The following MED12L variants were observed in gnomAD, a reference collection of about 807,000 sequenced individuals.
The protein encoded by MED12L is mediator complex subunit 12L, also known as mediator of RNA polymerase II transcription subunit 12-like protein.
Under a neutral mutation model 281.3 loss-of-function variants are expected in MED12L, and 60 were observed. That is an observed-to-expected ratio of 0.21 (90% CI 0.17 to 0.26). The LOEUF is 0.26. Among genes scored for constraint, MED12L ranks in the 10% least tolerant of loss-of-function variants. The pLI, the probability that MED12L is intolerant of heterozygous loss-of-function variation, is 1.00. For missense variants in MED12L, 2,146 were observed against 2,680.9 expected (o/e 0.80, Z 4.41); for synonymous variants, 974 against 987.2 (o/e 0.99, Z 0.25).
chr3:151,103,740 G>A (rs779760569), intron 2 of MED12L, among the ~76,000 whole-genome samples: 1 of 152,112 alleles, frequency 6.6e-6, no homozygotes, highest in Non-Finnish European at 1.5e-5. Flanking sequence ...TCTACATTTC[G>A]CAGAAGAGAA....
intron 16 of MED12L, among the ~76,000 whole-genome samples, chr3:151,195,234 A>C (rs1285865936): frequency 6.6e-6 from 1 of 152,188 alleles, no homozygotes; most frequent in East Asian, 1.9e-4. Flanking sequence ...TATCAGCAAA[A>C]CAAAGTATTC....
At chr3:151,235,214 A>G (rs975874308) in intron 16 of MED12L, among the ~76,000 whole-genome samples, 7 of 152,220 alleles carry the variant, frequency 4.6e-5, no homozygotes, top group Admixed American at 1.3e-4. Flanking sequence ...TGCCTGGCAG[A>G]ACTCTGAGCA....
At chr3:151,390,282 G>GT (rs56194873) in intron 38 of MED12L, 147 bp downstream of exon 38, 2 of 743,926 alleles carry the variant, frequency 2.7e-6, no homozygotes, top group East Asian at 2.6e-5. Context: ...ACACAGAAAT[G>GT]TTTTTTGTTT....
intron 2 of MED12L, among the ~76,000 whole-genome samples, chr3:151,104,279 G>A (rs1721740773): frequency 6.6e-6 from 1 of 152,196 alleles, no homozygotes; most frequent in African/African-American, 2.4e-5. Context: ...GGGAAGTCCT[G>A]CCTTTCCTAA....
intron 2 of MED12L, among the ~76,000 whole-genome samples, chr3:151,097,129 T>A (rs1219808497): frequency 6.6e-6 from 1 of 152,206 alleles, no homozygotes; most frequent in Non-Finnish European, 1.5e-5. Context: ...GTGCTGGAGG[T>A]CATTTCTATC....
chr3:151,308,071 T>A (rs1746956505), intron 16 of MED12L, among the ~76,000 whole-genome samples: 1 of 152,146 alleles, frequency 6.6e-6, no homozygotes, highest in Non-Finnish European at 1.5e-5. Context: ...AAAACATATG[T>A]TAAGTCAATT....
intron 44 of MED12L, 148 bp from the exon 45 acceptor site, chr3:151,432,604 A>G (rs1243945550): frequency 1.4e-5 from 8 of 580,542 alleles, no homozygotes; most frequent in East Asian, 1.2e-4. Context: ...TCCCACCACA[A>G]GGGTTTTTCA....
At chr3:151,220,619 T>C (rs1296204192) in intron 16 of MED12L, among the ~76,000 whole-genome samples, 2 of 152,212 alleles carry the variant, frequency 1.3e-5, no homozygotes, top group Non-Finnish European at 2.9e-5. Context: ...TCATGAGATC[T>C]GATGGTTTTA....
At chr3:151,387,246 CTT>C (rs1003548551) in intron 36 of MED12L, among the ~76,000 whole-genome samples, 8 of 150,726 alleles carry the variant, frequency 5.3e-5, no homozygotes, top group Non-Finnish European at 8.9e-5. Context: ...AGTTGAAAGA[CTT>C]TACTTATTCC....
At chr3:151,268,266 T>TAA (rs397759193) in intron 16 of MED12L, among the ~76,000 whole-genome samples, 5 of 152,056 alleles carry the variant, frequency 3.3e-5, no homozygotes, top group South Asian at 2.1e-4. Flanking sequence ...TATATATATA[T>TAA]AAGTCAGTTT....
At chr3:151,242,554 G>T (rs1734415245) in intron 16 of MED12L, among the ~76,000 whole-genome samples, 1 of 152,194 alleles carries the variant, frequency 6.6e-6, no homozygotes, top group Non-Finnish European at 1.5e-5. Flanking sequence ...GCAGCTGAGG[G>T]TCCTGTCTGT....
chr3:151,174,395 A>AT (rs1336723871), intron 11 of MED12L, among the ~76,000 whole-genome samples: 1 of 152,216 alleles, frequency 6.6e-6, no homozygotes, highest in Non-Finnish European at 1.5e-5. Context: ...TAGAAGAATC[A>AT]TTTTTTGTTA....
At chr3:151,378,250 G>T in intron 31 of MED12L, 77 bp downstream of exon 31, 1 of 1,392,624 alleles carries the variant, frequency 7.2e-7, no homozygotes, top group Non-Finnish European at 9.6e-7. Flanking sequence ...AAACCTGTGT[G>T]GTCACTGTAC....
In MED12L at chr3:151,087,033, C is replaced by G; in HGVS notation, c.99+8C>G. On this transcript the variant is annotated splice_region_variant and intron_variant, in intron 2 of 44. Transcript: ENST00000687756. ...GACCCCAAGCAGAAGGAGGTAAGGGCGCCGGCGGCCTCCCCGGCAACCGGG... is the reference window on the plus strand; with the variant it reads ...GACCCCAAGCAGAAGGAGGTAAGGGGGCCGGCGGCCTCCCCGGCAACCGGG... The G allele has an allele frequency of 1.3e-6, 2 of 1,597,718 alleles. No individual in the cohort carries two copies. The highest frequency in any genetic ancestry group is 1.7e-6 in the Non-Finnish European group (2 of 1,172,798).
intron 16 of MED12L, among the ~76,000 whole-genome samples, chr3:151,290,781 T>C (rs1034645793): frequency 6.6e-6 from 1 of 152,338 alleles, no homozygotes; most frequent in South Asian, 2.1e-4. Flanking sequence ...AGGAAAACTT[T>C]AGCAAAGTGC....
intron 5 of MED12L, among the ~76,000 whole-genome samples, chr3:151,132,832 T>A (rs531872139): frequency 6.6e-6 from 1 of 152,344 alleles, no homozygotes; most frequent in African/African-American, 2.4e-5. Context: ...CTTTTTCAAC[T>A]TTTAAAAGCA....
At chr3:151,360,775 G>A (rs1386923991) in intron 21 of MED12L, among the ~76,000 whole-genome samples, 170 bp downstream of exon 21, 1 of 152,094 alleles carries the variant, frequency 6.6e-6, no homozygotes, top group Non-Finnish European at 1.5e-5. Context: ...AAAATAGACA[G>A]GGACAATACA....
intron 16 of MED12L, chr3:151,198,555 G>C: frequency 6.2e-7 from 1 of 1,614,084 alleles, no homozygotes; most frequent in Non-Finnish European, 8.5e-7. Context: ...TCAAAGCACA[G>C]GTTCGACACA....
chr3:151,337,282 T>A (rs1751132524), intron 16 of MED12L: 1 of 152,798 alleles, frequency 6.5e-6, no homozygotes, highest in South Asian at 2.0e-4. Context: ...TCCCTTAGGT[T>A]TTTGCTAATA....
Sources: allele counts gnomAD v4.1 joint callset (sites outside exome capture counted in the v4.1 genomes callset), GRCh38; gene constraint gnomAD v4.1.1; transcripts MANE v1.5; gene names NCBI Gene and HGNC (gene_info 2026-07-23, HGNC 2026-07-21).